MLLT3: variants seen among roughly 807,000 people sequenced by gnomAD.
MLLT3 encodes the protein MLLT3 super elongation complex subunit.
MLLT3 carries 4 observed loss-of-function variants against 53.2 expected under a neutral mutation model. The ratio of observed to expected loss-of-function variants is 0.08; its 90% CI spans 0.04 to 0.17. The LOEUF is 0.17. MLLT3 is among the 10% of genes least tolerant of loss of function. The pLI, the probability that MLLT3 is intolerant of heterozygous loss-of-function variation, is 1.00. For synonymous variants in MLLT3, 283 were observed against 230.6 expected (o/e 1.23, Z -2.06); for missense variants, 569 against 684.0 (o/e 0.83, Z 1.87).
intron 2 of MLLT3, among the ~76,000 whole-genome samples, chr9:20,505,208 G>A (rs1321160108): frequency 6.6e-6 from 1 of 152,190 alleles, no homozygotes; most frequent in Non-Finnish European, 1.5e-5. Flanking sequence ...AAAGCTAAGA[G>A]AGGAAATAAA....
chr9:20,561,255 CTATATA>C (rs879536241), intron 2 of MLLT3, among the ~76,000 whole-genome samples: 1 of 151,978 alleles, frequency 6.6e-6, no homozygotes, highest in African/African-American at 2.4e-5. Context: ...GGACAGAGCA[CTATATA>C]TATAGACAAA....
At chr9:20,597,218 G>A (rs954087916) in intron 2 of MLLT3, among the ~76,000 whole-genome samples, 1 of 151,988 alleles carries the variant, frequency 6.6e-6, no homozygotes, top group Middle Eastern at 3.4e-3. Context: ...AGACTAATAA[G>A]GTAATTATTG....
chr9:20,527,346 T>C (rs1818230555), intron 2 of MLLT3, among the ~76,000 whole-genome samples: 1 of 152,172 alleles, frequency 6.6e-6, no homozygotes, highest in Non-Finnish European at 1.5e-5. Context: ...TAATTTCCTC[T>C]CCTAAGGGTC....
intron 2 of MLLT3, among the ~76,000 whole-genome samples, chr9:20,572,959 G>A (rs181999756): frequency 2.0e-5 from 3 of 152,060 alleles, no homozygotes; most frequent in African/African-American, 7.2e-5. Flanking sequence ...CATAGATATA[G>A]TTTCTCCTTC....
At chr9:20,565,954 T>TTATATTTATATATATATATATTTA (rs1819352819) in intron 2 of MLLT3, among the ~76,000 whole-genome samples, 1 of 34,696 alleles carries the variant, frequency 2.9e-5, no homozygotes, top group African/African-American at 1.7e-4. Context: ...ATATATATAT[T>TTATATTTATATATATATATATTTA]TATATATATA....
chr9:20,573,873 A>G (rs746523226), intron 2 of MLLT3, among the ~76,000 whole-genome samples: 2 of 152,202 alleles, frequency 1.3e-5, no homozygotes, highest in Non-Finnish European at 2.9e-5. Context: ...CAGGTGAGAA[A>G]CTGAGGTACA....
chr9:20,531,489 C>G (rs1818335618), intron 2 of MLLT3, among the ~76,000 whole-genome samples: 1 of 152,152 alleles, frequency 6.6e-6, no homozygotes, highest in African/African-American at 2.4e-5. Context: ...CACCACTTGC[C>G]TTTGTTTTAA....
At chr9:20,426,187 T>C (rs1303923322) in intron 4 of MLLT3, among the ~76,000 whole-genome samples, 1 of 152,152 alleles carries the variant, frequency 6.6e-6, no homozygotes, top group Non-Finnish European at 1.5e-5. Context: ...TTTAGAAGAC[T>C]GTAGTTTCAA....
rs756080290 is a variant in MLLT3, at chr9:20,466,135, T to C, written c.194-9349A>G. On this transcript the variant is annotated intron_variant, in intron 2 of 10. Transcript: ENST00000380338. The stretch of plus-strand genomic sequence containing the variant: ...CAGGTTGAATATCTCCTATCCAAAA[T>C]GCTTGGGATCAGAGGTTGATTTTGG... Among the ~76,000 whole-genome samples, 149 of 152,256 alleles carry C rather than the reference T, an allele frequency of 9.8e-4. 1 individual carries two copies. Among genetic ancestry groups the C allele is most frequent in the Admixed American group, 1.4e-3 (21 of 15,302 alleles).
At chr9:20,525,284 G>A (rs570624568) in intron 2 of MLLT3, among the ~76,000 whole-genome samples, 2 of 152,256 alleles carry the variant, frequency 1.3e-5, no homozygotes, top group African/African-American at 4.8e-5. Context: ...ATCACCTGAG[G>A]TCAGGAGTTT....
intron 10 of MLLT3, among the ~76,000 whole-genome samples, chr9:20,348,896 A>T (rs1468624384): frequency 6.6e-6 from 1 of 152,182 alleles, no homozygotes; most frequent in Non-Finnish European, 1.5e-5. Context: ...TCATATACTT[A>T]CTATATAATT....
chr9:20,613,274 G>A (rs1357143394), intron 2 of MLLT3, among the ~76,000 whole-genome samples: 1 of 152,062 alleles, frequency 6.6e-6, no homozygotes, highest in Non-Finnish European at 1.5e-5. Flanking sequence ...CTTTAAAAGG[G>A]TAAATTTTGC....
intron 2 of MLLT3, among the ~76,000 whole-genome samples, chr9:20,508,848 G>A (rs1825448719): frequency 6.6e-6 from 1 of 152,118 alleles, no homozygotes; most frequent in Admixed American, 6.5e-5. Flanking sequence ...TCCATTTTAT[G>A]GTATCACTAA....
chr9:20,383,817 C>T (rs1328310999), intron 5 of MLLT3, among the ~76,000 whole-genome samples: 1 of 151,910 alleles, frequency 6.6e-6, no homozygotes, highest in African/African-American at 2.4e-5. Context: ...GAGAAGGCAG[C>T]TGATAAAGTA....
At chr9:20,598,217 C>G (rs947035152) in intron 2 of MLLT3, among the ~76,000 whole-genome samples, 2 of 152,186 alleles carry the variant, frequency 1.3e-5, no homozygotes, top group African/African-American at 4.8e-5. Context: ...ATGAAAGATT[C>G]AGGTTCAAAC....
intron 2 of MLLT3, among the ~76,000 whole-genome samples, chr9:20,544,196 T>C (rs1818722950): frequency 6.6e-6 from 1 of 152,190 alleles, no homozygotes; most frequent in African/African-American, 2.4e-5. Context: ...CATAACACTT[T>C]ATAAAACTCC....
chr9:20,406,124 A>T lies in MLLT3; in HGVS notation c.1125+7597T>A, dbSNP rs541439644. ...GAGACTCCACCTAAAACAAAAAAGA[A>T]AAAAAGAAAAAAAAGCCTTCTCCTG... is the stretch of plus-strand genomic sequence containing the variant. On this transcript the variant is annotated intron_variant, in intron 5 of 10. Transcript: ENST00000380338. Among the ~76,000 whole-genome samples the T allele has an allele frequency of 9.9e-5, 15 of 152,146 alleles. No homozygotes were observed. The East Asian group carries it at 1.5e-3, about 16-fold the overall frequency.
In MLLT3 at chr9:20,345,973, A is replaced by G. The variant is rs1563929950; in HGVS notation, c.*470T>C. 4.3e-6 allele frequency: 1 copy of G among 233,552 alleles called. No individual in the cohort carries two copies. Among genetic ancestry groups the G allele is most frequent in the Non-Finnish European group, 8.5e-6 (1 of 118,050 alleles). The allele number at this position is 233,552 out of a possible 1,614,324, so 14.5% of individuals were successfully genotyped here. ...CATTGAAAGAGCATCCACGGGACCA[A>G]GTACTTATAATGTCTGATGGTGTCA... is the stretch of plus-strand genomic sequence containing the variant. On this transcript the variant is annotated 3_prime_UTR_variant, in exon 11 of 11. Coordinates refer to ENST00000380338, the MANE Select transcript of MLLT3 (RefSeq NM_004529.4).
intron 2 of MLLT3, among the ~76,000 whole-genome samples, chr9:20,473,138 C>G (rs1824436394): frequency 6.6e-6 from 1 of 152,076 alleles, no homozygotes; most frequent in Admixed American, 6.6e-5. Flanking sequence ...AGTTTGACAT[C>G]CACTGCACTA....
Sources: gnomAD v4.1 joint callset for allele counts (sites outside exome capture counted in the v4.1 genomes callset) on GRCh38, gnomAD v4.1.1 for gene constraint, MANE v1.5 for transcripts, NCBI Gene and HGNC (gene_info 2026-07-23, HGNC 2026-07-21) for gene names.